KCND2: variants seen among roughly 807,000 people sequenced by gnomAD.
KCND2 encodes A-type voltage-gated potassium channel KCND2.
A neutral mutation model predicts 54.4 loss-of-function variants in KCND2; 16 were observed. The ratio of observed to expected loss-of-function variants is 0.29; its 90% CI spans 0.20 to 0.45. The LOEUF is 0.45. Among genes scored for constraint, KCND2 ranks in the 20% least tolerant of loss-of-function variants. The pLI, the probability that KCND2 is intolerant of heterozygous loss-of-function variation, is 1.00. For missense variants in KCND2, 486 were observed against 824.2 expected, an observed-to-expected ratio of 0.59 and a Z score of 5.02; for synonymous variants, 317 against 310.7, an observed-to-expected ratio of 1.02 and a Z score of -0.21.
At chr7:120,711,669 G>C (rs1182464673) in intron 1 of KCND2, among the ~76,000 whole-genome samples, 1 of 152,080 alleles carries the variant, frequency 6.6e-6, no homozygotes, top group Non-Finnish European at 1.5e-5. Flanking sequence ...CAAGTAAAAG[G>C]CTTTAAATAG....
At chr7:120,511,481 C>G (rs1239524275) in intron 1 of KCND2, among the ~76,000 whole-genome samples, 4 of 151,970 alleles carry the variant, frequency 2.6e-5, no homozygotes, top group Non-Finnish European at 5.9e-5. Context: ...AATTAATGAA[C>G]AAATCCAAAA....
intron 1 of KCND2, among the ~76,000 whole-genome samples, chr7:120,458,841 AATT>A (rs909336234): frequency 6.6e-6 from 1 of 150,612 alleles, no homozygotes; most frequent in Non-Finnish European, 1.5e-5. Context: ...AAAAAATAAT[AATT>A]ATTATTATTA....
chr7:120,445,332 T>C (rs2116204547), intron 1 of KCND2, among the ~76,000 whole-genome samples: 1 of 152,320 alleles, frequency 6.6e-6, no homozygotes, highest in African/African-American at 2.4e-5. Context: ...CAGGATGGAC[T>C]ACATAGAAAT....
chr7:120,580,327 T>C (rs1380375952), intron 1 of KCND2, among the ~76,000 whole-genome samples: 1 of 152,178 alleles, frequency 6.6e-6, no homozygotes, highest in Non-Finnish European at 1.5e-5. Context: ...CCCTTTAGGT[T>C]TGCCTAAAAG....
chr7:120,603,977 T>G (rs1410328508), intron 1 of KCND2, among the ~76,000 whole-genome samples: 1 of 152,144 alleles, frequency 6.6e-6, no homozygotes, highest in Non-Finnish European at 1.5e-5. Context: ...GAATCTCACC[T>G]CTTGTTGCCT....
intron 1 of KCND2, among the ~76,000 whole-genome samples, chr7:120,677,547 A>T (rs1792079921): frequency 7.6e-6 from 1 of 130,732 alleles, no homozygotes; most frequent in Non-Finnish European, 1.6e-5. Flanking sequence ...ATATAGATAT[A>T]GATATATAGA....
chr7:120,731,987 A>AT lies in KCND2; in HGVS notation c.1116-915dup, dbSNP rs527574120. Among the ~76,000 whole-genome samples the AT allele has an allele frequency of 2.3e-3, 346 of 152,262 alleles. 2 individuals are homozygous for AT. The highest frequency in any genetic ancestry group is 8.0e-3 in the African/African-American group (333 of 41,562). On this transcript the variant is annotated intron_variant, in intron 1 of 5. Coordinates refer to ENST00000331113, the MANE Select transcript of KCND2 (RefSeq NM_012281.3). ...TCCATTTTGGTTAATTTAAATTTTA[A>AT]TGGGCTCTTAGGCATCCAGGGGTAG...
rs188175354 is a variant in KCND2, at chr7:120,318,976, A to G, written c.1115+43229A>G. Among the ~76,000 whole-genome samples the G allele has an allele frequency of 4.6e-5, 7 of 152,214 alleles. No homozygotes were observed. In the East Asian group the frequency reaches 5.8e-4, roughly 13 times the overall value. On this transcript the variant is annotated intron_variant, in intron 1 of 5. Coordinates refer to ENST00000331113, the MANE Select transcript of KCND2 (RefSeq NM_012281.3). ...TTGTAAAGATGATTTGTAGTTTAAA[A>G]TATTCACTTATAATTTTGTTCTATT...
intron 1 of KCND2, among the ~76,000 whole-genome samples, chr7:120,332,008 G>A (rs1320077554): frequency 1.3e-5 from 2 of 151,866 alleles, no homozygotes; most frequent in African/African-American, 4.8e-5. Context: ...TTGGAGAAGG[G>A]GATGTTGTAA....
At chr7:120,508,423 C>A (rs779527988) in intron 1 of KCND2, among the ~76,000 whole-genome samples, 1 of 151,882 alleles carries the variant, frequency 6.6e-6, no homozygotes, top group Non-Finnish European at 1.5e-5. Context: ...TGGTTTCATA[C>A]TCAAAGGAGA....
At chr7:120,484,433 G>A (rs1336298575) in intron 1 of KCND2, among the ~76,000 whole-genome samples, 1 of 151,472 alleles carries the variant, frequency 6.6e-6, no homozygotes, top group African/African-American at 2.4e-5. Context: ...AGACTCACAG[G>A]GATGAGCCTC....
chr7:120,434,566 C>G (rs926347615), intron 1 of KCND2, among the ~76,000 whole-genome samples: 2 of 152,216 alleles, frequency 1.3e-5, no homozygotes, highest in Non-Finnish European at 2.9e-5. Context: ...TTCTTCCTCC[C>G]TCTATACTAA....
At chr7:120,360,875 A>G (rs1384115361) in intron 1 of KCND2, among the ~76,000 whole-genome samples, 1 of 152,106 alleles carries the variant, frequency 6.6e-6, no homozygotes, top group Non-Finnish European at 1.5e-5. Flanking sequence ...CAGAGACTTG[A>G]TATCATTTTT....
intron 1 of KCND2, among the ~76,000 whole-genome samples, chr7:120,636,096 A>G (rs567410691): frequency 6.6e-6 from 1 of 152,210 alleles, no homozygotes; most frequent in East Asian, 1.9e-4. Flanking sequence ...TTCCACAGCT[A>G]TTCTGTAGAT....
At chr7:120,423,958 T>G (rs11972808) in intron 1 of KCND2, among the ~76,000 whole-genome samples, 15,574 of 152,262 alleles carry the variant, frequency 0.1, 832 homozygotes, top group Admixed American at 0.13. Flanking sequence ...GTGCTTTGTT[T>G]CTCATTAGGT....
intron 1 of KCND2, among the ~76,000 whole-genome samples, chr7:120,355,089 C>A (rs1035426876): frequency 6.6e-6 from 1 of 152,294 alleles, no homozygotes; most frequent in South Asian, 2.1e-4. Context: ...CTCTAACATA[C>A]ATATAGAGCT....
intron 1 of KCND2, among the ~76,000 whole-genome samples, chr7:120,659,120 A>C (rs1791837345): frequency 6.6e-6 from 1 of 152,226 alleles, no homozygotes; most frequent in South Asian, 2.1e-4. Context: ...TCAAGAGTGC[A>C]AAAGGAGAAG....
chr7:120,686,218 G>A (rs1034713265), intron 1 of KCND2, among the ~76,000 whole-genome samples: 2 of 152,066 alleles, frequency 1.3e-5, no homozygotes, highest in Non-Finnish European at 2.9e-5. Context: ...AAATGAACAT[G>A]GGAGTGCAGA....
chr7:120,695,264 T>A lies in KCND2; in HGVS notation c.1116-37639T>A, dbSNP rs1335112758. On this transcript the variant is annotated intron_variant, in intron 1 of 5. Transcript: ENST00000331113. ...CTTGATATTTCAATGGCTTGTTTTATATATGTATCCCATAAGTTTACTGCC... is the reference window on the plus strand; with the variant it reads ...CTTGATATTTCAATGGCTTGTTTTAAATATGTATCCCATAAGTTTACTGCC... 2.0e-3 allele frequency among the ~76,000 whole-genome samples: 300 copies of A among 151,794 alleles called. 1 individual carries two copies. Among genetic ancestry groups the A allele is most frequent in the Middle Eastern group, 3.5e-3 (1 of 288 alleles).
Sources: allele counts gnomAD v4.1 joint callset (sites outside exome capture counted in the v4.1 genomes callset), GRCh38; gene constraint gnomAD v4.1.1; transcripts MANE v1.5; gene names NCBI Gene and HGNC (gene_info 2026-07-23, HGNC 2026-07-21).